The following UNC79 variants were observed in gnomAD, a reference collection of about 807,000 sequenced individuals.
UNC79 encodes protein unc-79 homolog.
UNC79 carries 37 observed loss-of-function variants against 283.1 expected under a neutral mutation model. The observed-to-expected ratio is 0.13, with a 90% confidence interval of 0.10 to 0.17. UNC79 has a LOEUF of 0.17. Among genes scored for constraint, UNC79 ranks in the 10% least tolerant of loss-of-function variants. UNC79 has a pLI of 1.00. For synonymous variants in UNC79, 1,107 were observed against 1,200.2 expected, an observed-to-expected ratio of 0.92 and a Z score of 1.61; for missense variants, 2,272 against 3,211.1, an observed-to-expected ratio of 0.71 and a Z score of 7.07.
At position 93,479,318 on chromosome 14, in the gene UNC79, G is replaced by A. The variant is rs569340021; in HGVS notation, c.619+1590G>A. ...CTTCTTTCTTTCTTTAGTTTTTTGA[G>A]ATGAAGTAACACTCTGTCACCCAGG... On this transcript the variant is annotated intron_variant, in intron 4 of 48. Transcript: ENST00000555664. Among the ~76,000 whole-genome samples, 4 of 144,872 alleles carry A rather than the reference G, an allele frequency of 2.8e-5. No individual in the cohort carries two copies. In the South Asian group the frequency reaches 9.0e-4, roughly 33 times the overall value.
intron 1 of UNC79, chr14:93,347,126 T>C: frequency 6.4e-6 from 5 of 778,974 alleles, no homozygotes; most frequent in Non-Finnish European, 9.2e-6. Context: ...GCAGAAGGGG[T>C]GGGGTAGGGG....
intron 1 of UNC79, among the ~76,000 whole-genome samples, chr14:93,349,926 AC>A (rs1342246631): frequency 9.9e-5 from 15 of 152,166 alleles, no homozygotes; most frequent in Admixed American, 7.2e-4. Flanking sequence ...ATCTAGATAA[AC>A]TGTTAAAAAT....
At chr14:93,483,839 T>C (rs1454172605) in intron 4 of UNC79, among the ~76,000 whole-genome samples, 3 of 152,190 alleles carry the variant, frequency 2.0e-5, no homozygotes, top group Non-Finnish European at 4.4e-5. Context: ...GGTTTCCAGC[T>C]TCATCTATGT....
At chr14:93,358,906 G>A (rs1034662026) in intron 1 of UNC79, among the ~76,000 whole-genome samples, 2 of 152,076 alleles carry the variant, frequency 1.3e-5, no homozygotes, top group African/African-American at 2.4e-5. Flanking sequence ...AAGTCCCAGC[G>A]GGCCCCTAGA....
intron 1 of UNC79, among the ~76,000 whole-genome samples, chr14:93,455,784 A>G (rs1279615579): frequency 6.6e-6 from 1 of 152,202 alleles, no homozygotes; most frequent in African/African-American, 2.4e-5. Flanking sequence ...TAGGAAATTG[A>G]GACTCAGAGA....
intron 1 of UNC79, among the ~76,000 whole-genome samples, chr14:93,344,606 A>G (rs1334839360): frequency 6.6e-6 from 1 of 152,198 alleles, no homozygotes; most frequent in East Asian, 1.9e-4. Context: ...CAACCAACAG[A>G]CTGGGTCCCA....
chr14:93,564,548 C>T (rs2062759213), intron 14 of UNC79, among the ~76,000 whole-genome samples: 1 of 152,166 alleles, frequency 6.6e-6, no homozygotes, highest in Admixed American at 6.5e-5. Flanking sequence ...AGGGAGGTCC[C>T]CCAATCTGAG....
At chr14:93,616,316 A>G (rs2066721257) in intron 27 of UNC79, among the ~76,000 whole-genome samples, 1 of 148,252 alleles carries the variant, frequency 6.7e-6, no homozygotes, top group East Asian at 2.0e-4. Context: ...TTTGGGATAT[A>G]TTTAATGGCT....
chr14:93,625,069 C>A (rs936092263), intron 30 of UNC79, among the ~76,000 whole-genome samples: 3 of 152,218 alleles, frequency 2.0e-5, no homozygotes, highest in African/African-American at 7.2e-5. Flanking sequence ...TGAAACCCTT[C>A]CCCTGTGTCC....
At chr14:93,618,842 A>G (rs2066919746) in intron 29 of UNC79, among the ~76,000 whole-genome samples, 1 of 152,230 alleles carries the variant, frequency 6.6e-6, no homozygotes, top group Non-Finnish European at 1.5e-5. Context: ...TTTTTGCTGC[A>G]TAGGTGTAAG....
Position 93,381,290 on chromosome 14 carries a change from G to A in UNC79, c.-351+47767G>A, listed in dbSNP as rs1234114877. On this transcript the variant is annotated intron_variant, in intron 1 of 49. Coordinates refer to the UNC79 transcript ENST00000256339. Reference sequence around the variant, plus strand: ...TGTTAGGAATATCATGGGATTATCTGATGACGGATGTTGGGGTTGTGACTC... The same window carrying A: ...TGTTAGGAATATCATGGGATTATCTAATGACGGATGTTGGGGTTGTGACTC... Among the ~76,000 whole-genome samples the A allele has an allele frequency of 3.3e-5, 5 of 152,306 alleles. No homozygotes were observed. In the East Asian group the frequency reaches 7.7e-4, roughly 24 times the overall value.
intron 22 of UNC79, among the ~76,000 whole-genome samples, chr14:93,591,690 C>T (rs1034356997): frequency 2.6e-5 from 4 of 152,246 alleles, no homozygotes; most frequent in East Asian, 1.9e-4. Flanking sequence ...TTCCTAGCAA[C>T]GTCGTGACTT....
intron 1 of UNC79, among the ~76,000 whole-genome samples, chr14:93,374,342 A>G (rs971186418): frequency 1.3e-5 from 2 of 152,200 alleles, no homozygotes; most frequent in Non-Finnish European, 2.9e-5. Context: ...TGGGGGCTCA[A>G]CCTTGCCCCA....
Position 93,577,836 on chromosome 14 carries a change from T to C in UNC79, c.2212-6T>C, listed in dbSNP as rs747452236. The C allele has an allele frequency of 6.2e-7, 1 of 1,613,068 alleles. No individual in the cohort carries two copies. Among genetic ancestry groups the C allele is most frequent in the South Asian group, 1.1e-5 (1 of 90,754 alleles). On this transcript the variant is annotated splice_region_variant and splice_polypyrimidine_tract_variant and intron_variant, in intron 17 of 48. Transcript: ENST00000555664. ...CATTTCTATGTGTTGCCATTCTTTC[T>C]TGTAGGTGAGTGTTGCCTCTGATCC...
intron 41 of UNC79, among the ~76,000 whole-genome samples, chr14:93,677,865 GTC>G (rs1386472980): frequency 2.0e-5 from 3 of 152,174 alleles, no homozygotes; most frequent in Non-Finnish European, 2.9e-5. Context: ...GATCAGGCTG[GTC>G]TCAAACTCCT....
intron 1 of UNC79, chr14:93,334,855 CTG>C (rs1235818889): frequency 2.6e-5 from 4 of 152,112 alleles, no homozygotes; most frequent in African/African-American, 9.7e-5. Flanking sequence ...TGGGGGATGA[CTG>C]TATTGCATTA....
chr14:93,629,324 G>C (rs1049414744), intron 30 of UNC79, among the ~76,000 whole-genome samples: 2 of 152,304 alleles, frequency 1.3e-5, no homozygotes, highest in African/African-American at 4.8e-5. Flanking sequence ...AGATTATTAG[G>C]CGTTAGTTGT....
At chr14:93,405,300 A>G (rs1331746003) in intron 1 of UNC79, among the ~76,000 whole-genome samples, 2 of 151,748 alleles carry the variant, frequency 1.3e-5, no homozygotes, top group African/African-American at 4.8e-5. Context: ...AAAAAAATCC[A>G]CAAGAAGATG....
At chr14:93,439,542 G>A (rs1453648768) in intron 1 of UNC79, among the ~76,000 whole-genome samples, 2 of 151,960 alleles carry the variant, frequency 1.3e-5, no homozygotes. Context: ...TTGTTTCATA[G>A]GTGTTTTTCT....
Sources: allele counts gnomAD v4.1 joint callset (sites outside exome capture counted in the v4.1 genomes callset), GRCh38; gene constraint gnomAD v4.1.1; transcripts MANE v1.5; gene names NCBI Gene and HGNC (gene_info 2026-07-23, HGNC 2026-07-21).